The following MROH9 variants were observed in gnomAD, a reference collection of about 807,000 sequenced individuals.
The protein encoded by MROH9 is maestro heat-like repeat-containing protein family member 9.
Under a neutral mutation model 98.2 loss-of-function variants are expected in MROH9, and 92 were observed. That is an observed-to-expected ratio of 0.94 (90% CI 0.79 to 1.11). The LOEUF (loss-of-function observed/expected upper bound fraction) is 1.11. MROH9 is among the 50% of genes most tolerant of loss of function. MROH9 has a pLI of 0.00. For synonymous variants in MROH9, 397 were observed against 368.9 expected (o/e 1.08, Z -0.87); for missense variants, 1,057 against 1,014.8 (o/e 1.04, Z -0.57).
intron 8 of MROH9, among the ~76,000 whole-genome samples, chr1:170,976,997 T>C (rs1426345693): frequency 2.0e-5 from 3 of 152,198 alleles, no homozygotes; most frequent in Non-Finnish European, 4.4e-5. Context: ...TCTTCAAGTT[T>C]CAAGATTTTT....
chr1:170,966,723 T>C (rs1557877149), intron 7 of MROH9, among the ~76,000 whole-genome samples: 1 of 152,074 alleles, frequency 6.6e-6, no homozygotes, highest in Admixed American at 6.6e-5. Flanking sequence ...AAAAAGAGAG[T>C]GAGCGGCTTA....
chr1:171,055,521 G>GCCT (rs1557916251), intron 20 of MROH9, among the ~76,000 whole-genome samples: 1 of 151,720 alleles, frequency 6.6e-6, no homozygotes, highest in Non-Finnish European at 1.5e-5. Context: ...TACTTGGGAG[G>GCCT]CTGAGGCAGT....
intron 12 of MROH9, 59 bp downstream of exon 12, chr1:170,992,388 C>G: frequency 1.7e-5 from 26 of 1,529,632 alleles, no homozygotes; most frequent in Non-Finnish European, 2.3e-5. Context: ...TGTGAAAATC[C>G]CTATCTGCCC....
intron 20 of MROH9, among the ~76,000 whole-genome samples, chr1:171,040,205 G>A (rs569361214): frequency 3.3e-5 from 5 of 152,046 alleles, no homozygotes; most frequent in African/African-American, 1.2e-4. Flanking sequence ...CAGGAGCAAG[G>A]GCACAAGAAA....
At chr1:171,019,951 A>C (rs1175645881) in intron 17 of MROH9, among the ~76,000 whole-genome samples, 1 of 152,192 alleles carries the variant, frequency 6.6e-6, no homozygotes, top group Non-Finnish European at 1.5e-5. Context: ...CTGACCCCCC[A>C]GCACTGCAAA....
intron 20 of MROH9, among the ~76,000 whole-genome samples, chr1:171,036,036 C>T (rs1653087920): frequency 6.6e-6 from 1 of 152,048 alleles, no homozygotes; most frequent in South Asian, 2.1e-4. Context: ...TAGATTCACA[C>T]AATGAAATAC....
intron 17 of MROH9, among the ~76,000 whole-genome samples, chr1:171,019,083 CA>C (rs1258304326): frequency 1.3e-5 from 2 of 152,192 alleles, no homozygotes; most frequent in African/African-American, 4.8e-5. Flanking sequence ...CACTCATCAG[CA>C]AATTCAAAAG....
At chr1:170,958,641 A>G in intron 4 of MROH9, 101 bp downstream of exon 4, 1 of 780,582 alleles carries the variant, frequency 1.3e-6, no homozygotes, top group East Asian at 2.6e-5. Flanking sequence ...AATTACTCCA[A>G]ACTTCACCAT....
chr1:170,947,465 C>G, intron 2 of MROH9, 62 bp from the exon 3 acceptor site: 1 of 1,406,910 alleles, frequency 7.1e-7, no homozygotes, highest in South Asian at 1.2e-5. Flanking sequence ...AAATAAGGCC[C>G]CACTAAGATG....
intron 2 of MROH9, among the ~76,000 whole-genome samples, chr1:170,946,047 A>G (rs186792447): frequency 1.3e-5 from 2 of 152,190 alleles, no homozygotes; most frequent in African/African-American, 4.8e-5. Flanking sequence ...ACAAAATAAG[A>G]ATAATGAAAT....
intron 20 of MROH9, among the ~76,000 whole-genome samples, chr1:171,033,461 T>G (rs1176373355): frequency 6.6e-6 from 1 of 152,138 alleles, no homozygotes; most frequent in African/African-American, 2.4e-5. Flanking sequence ...GTTTCCTGGA[T>G]GGGTAGCATG....
intron 2 of MROH9, 101 bp from the exon 3 acceptor site, chr1:170,947,426 C>T (rs772226491): frequency 5.3e-5 from 49 of 918,520 alleles, no homozygotes; most frequent in Non-Finnish European, 7.3e-5. Flanking sequence ...TGGGCTTTGA[C>T]ATCAAGGTCA....
chr1:171,053,185 G>A (rs1653724301), intron 20 of MROH9, among the ~76,000 whole-genome samples: 1 of 152,154 alleles, frequency 6.6e-6, no homozygotes, highest in African/African-American at 2.4e-5. Context: ...TGCTTGCTGT[G>A]GGAACCCTTC....
At chr1:170,956,593 TTG>T (rs1491047599) in intron 3 of MROH9, among the ~76,000 whole-genome samples, 14 of 120,470 alleles carry the variant, frequency 1.2e-4, no homozygotes, top group Non-Finnish European at 1.7e-4. Flanking sequence ...TTTTTTTTTT[TTG>T]TTTTTTTTTT....
At chr1:170,944,259 T>C (rs1649233883) in intron 1 of MROH9, among the ~76,000 whole-genome samples, 1 of 151,976 alleles carries the variant, frequency 6.6e-6, no homozygotes, top group Non-Finnish European at 1.5e-5. Context: ...TAAGAAGTTA[T>C]TGTAATCCTA....
chr1:170,955,189 AT>A (rs1462966051), intron 3 of MROH9, among the ~76,000 whole-genome samples: 1 of 152,028 alleles, frequency 6.6e-6, no homozygotes, highest in Admixed American at 6.6e-5. Context: ...GTATATATAT[AT>A]ACATACCACA....
At chr1:170,993,710 C>T (rs924819523) in intron 12 of MROH9, among the ~76,000 whole-genome samples, 2 of 151,654 alleles carry the variant, frequency 1.3e-5, no homozygotes, top group African/African-American at 4.8e-5. Context: ...AGAGCCATGC[C>T]GTAAAAGAGA....
chr1:171,047,211 C>T (rs1333926259), intron 20 of MROH9, among the ~76,000 whole-genome samples: 4 of 152,006 alleles, frequency 2.6e-5, no homozygotes, highest in East Asian at 1.9e-4. Context: ...GATATCTTTC[C>T]GTAGATTTGG....
chr1:171,057,514 A>T (rs1256281971), intron 20 of MROH9, among the ~76,000 whole-genome samples: 1 of 152,158 alleles, frequency 6.6e-6, no homozygotes, highest in African/African-American at 2.4e-5. Flanking sequence ...AGGAGATGGG[A>T]CGAAAGGAAA....
Sources: gnomAD v4.1 joint callset for allele counts (sites outside exome capture counted in the v4.1 genomes callset) on GRCh38, gnomAD v4.1.1 for gene constraint, MANE v1.5 for transcripts, NCBI Gene and HGNC (gene_info 2026-07-23, HGNC 2026-07-21) for gene names.